The following NISCH variants were observed in gnomAD, a reference collection of about 807,000 sequenced individuals.
NISCH encodes I-1 receptor candidate protein.
In NISCH, 55 loss-of-function variants were observed where a neutral mutation model predicts 138.4. That is an observed-to-expected ratio of 0.40 (90% CI 0.32 to 0.50). The LOEUF (loss-of-function observed/expected upper bound fraction) is 0.50, where lower values mean the gene tolerates loss of function less well. Ranked by LOEUF, NISCH falls within the 20% of genes least tolerant of loss-of-function variation. NISCH has a pLI of 0.71. For synonymous variants in NISCH, 860 were observed against 861.5 expected (o/e 1.00, Z 0.03); for missense variants, 1,643 against 2,005.5 (o/e 0.82, Z 3.45).
Position 52,477,493 on chromosome 3 carries a change from G to A in NISCH, c.919-81G>A, listed in dbSNP as rs1038159917. ...TCCATGGTCGGGAGGAAGCGTCCTGGGGTGCCCGTCCACTGTGTCGGGGAC... is the reference window on the plus strand; with the variant it reads ...TCCATGGTCGGGAGGAAGCGTCCTGAGGTGCCCGTCCACTGTGTCGGGGAC... On this transcript the variant is annotated intron_variant, in intron 8 of 20. Transcript: ENST00000345716. 27 of 1,181,990 alleles carry A rather than the reference G, an allele frequency of 2.3e-5. No homozygotes were observed. The Admixed American group carries it at 4.3e-4, about 19-fold the overall frequency. The allele number at this position is 1,181,990 out of a possible 1,614,324, so 73.2% of individuals were successfully genotyped here.
At position 52,491,317 on chromosome 3, in the gene NISCH, C is replaced by T. The variant is rs545453144; in HGVS notation, c.3743-35C>T. ...GGGCAGGGATAGGGCTGGGGAGCGC[C>T]GGCCTGTGGCCCTGACCAGCCCCTT... On this transcript the variant is annotated intron_variant, in intron 19 of 20. Coordinates refer to ENST00000345716, the MANE Select transcript of NISCH (RefSeq NM_007184.4). The T allele has an allele frequency of 3.2e-5, 51 of 1,587,910 alleles. 1 individual carries two copies. In the South Asian group the frequency reaches 4.2e-4, roughly 13 times the overall value.
rs770065257 is a variant in NISCH, at chr3:52,487,732, G to C, written c.2240G>C (p.Arg747Pro). ...TTCGAGATCCCGCACCAGGAGTCTC[G>C]GGGCAGCAGCCAGCACATCCTCTCC... ...AVFEIPHQES[R>P]GSSQHILSSL... The change falls in exon 16 of 21, where the codon CGG (arginine) becomes CCG (proline). Residue 747 changes from arginine (R) to proline (P), a missense_variant. Transcript: ENST00000345716. This position sits in a 1 kb window ranked among gnomAD's most constrained non-coding sequence, Gnocchi z 9.1. 4.3e-6 allele frequency: 7 copies of C among 1,613,558 alleles called. No individual in the cohort carries two copies. The highest frequency in any genetic ancestry group is 5.9e-6 in the Non-Finnish European group (7 of 1,180,018).
intron 1 of NISCH, among the ~76,000 whole-genome samples, chr3:52,456,774 T>C (rs1457295214): frequency 1.3e-5 from 2 of 152,134 alleles, no homozygotes; most frequent in Non-Finnish European, 2.9e-5. Context: ...CCTGGAGAAA[T>C]GGCTGCTCCT....
At position 52,473,832 on chromosome 3, in the gene NISCH, A is replaced by G. The variant is rs759112565; in HGVS notation, c.765+3A>G. 3.1e-6 allele frequency: 5 copies of G among 1,600,940 alleles called. No homozygotes were observed. The highest frequency in any genetic ancestry group is 4.3e-6 in the Non-Finnish European group (5 of 1,170,070). ...GCTTCTCAGCAACCTCGATGAAGGT[A>G]AGCTTCACCTATATCCTGCCTGGGG... On this transcript the variant is annotated splice_donor_region_variant and intron_variant, in intron 7 of 20. Coordinates refer to ENST00000345716, the MANE Select transcript of NISCH (RefSeq NM_007184.4).
In NISCH at chr3:52,488,611, A is replaced by G. The variant is rs556053537; in HGVS notation, c.3113+6A>G. The G allele has an allele frequency of 1.1e-5, 18 of 1,601,636 alleles. No homozygotes were observed. In the African/African-American group the frequency reaches 2.4e-4, roughly 21 times the overall value. On this transcript the variant is annotated splice_donor_region_variant and intron_variant, in intron 16 of 20. Coordinates refer to ENST00000345716, the MANE Select transcript of NISCH (RefSeq NM_007184.4). ...CCTGCCGAGCGCAGGGCCAGGTGAG[A>G]TCAAGCACAGCTCTCAGGGGCCCCG...
intron 13 of NISCH, chr3:52,481,004 C>T: frequency 7.1e-7 from 1 of 1,411,776 alleles, no homozygotes; most frequent in Admixed American, 2.8e-5. Context: ...GGAAAGGACG[C>T]CGCCTGCCCG....
Position 52,487,224 on chromosome 3 carries a change from G to T in NISCH, c.1732G>T (p.Val578Leu), listed in dbSNP as rs771450393. ...AGAACATGCCGAGCCGGAGGTCCAGGTGGTGCCGGGGTCTGGCCAGATCAT... is the reference window on the plus strand; with the variant it reads ...AGAACATGCCGAGCCGGAGGTCCAGTTGGTGCCGGGGTCTGGCCAGATCAT... ...SPEHAEPEVQ[V>L]VPGSGQIIFL... Residue 578 changes from valine to leucine, a missense_variant, in exon 16 of 21, where the codon GTG (valine) becomes TTG (leucine). Physicochemically the swap from Val to Leu is conservative, Grantham distance 32. Transcript: ENST00000345716. This position sits in a 1 kb window ranked among gnomAD's most constrained non-coding sequence, Gnocchi z 9.1. 28 of 1,614,104 alleles carry T rather than the reference G, an allele frequency of 1.7e-5. No homozygotes were observed. The highest frequency in any genetic ancestry group is 7.7e-5 in the South Asian group (7 of 91,082).
At chr3:52,471,446 T>C in intron 4 of NISCH, 1 of 346,498 alleles carries the variant, frequency 2.9e-6, no homozygotes, top group Non-Finnish European at 5.4e-6. Context: ...ACCATAGGCC[T>C]GCGCCTGACC....
In NISCH at chr3:52,488,355, C is replaced by T. The variant is rs2153231779; in HGVS notation, c.2863C>T (p.Pro955Ser). ...RVPLSTVLLD[P>S]TRSCTQPRGA... is the part of the protein sequence containing the mutation. ...GCCGCTCTCCACCGTGCTGCTGGAC[C>T]CCACACGCAGCTGTACCCAGCCTCG... is the stretch of plus-strand genomic sequence containing the variant. The change falls in exon 16 of 21, where the codon CCC becomes TCC. Residue 955 changes from proline (P) to serine (S), a missense_variant. Pro to Ser is a moderately conservative substitution (Grantham distance 74, BLOSUM62 -1). Coordinates refer to ENST00000345716, the MANE Select transcript of NISCH (RefSeq NM_007184.4). 6.2e-7 allele frequency: 1 copy of T among 1,613,672 alleles called. No homozygotes were observed. Among genetic ancestry groups the T allele is most frequent in the Non-Finnish European group, 8.5e-7 (1 of 1,180,012 alleles).
rs146890321 is a variant in NISCH, at chr3:52,470,878, C to T, written c.380C>T (p.Ala127Val). ...CTGCAGGAGATAAATGGCATCACCGCGGCACTGGCTGAAGAGCTCTTTGAG... is the reference window on the plus strand; with the variant it reads ...CTGCAGGAGATAAATGGCATCACCGTGGCACTGGCTGAAGAGCTCTTTGAG... ...FHFYEINGIT[A>V]ALAEELFEKG... is the part of the protein sequence containing the mutation. Residue 127 changes from alanine (A) to valine (V), a missense_variant, in exon 4 of 21, where the codon GCG (alanine) becomes GTG (valine). By Grantham distance (64) the Ala-to-Val change is moderately conservative (BLOSUM62 0). Coordinates refer to ENST00000345716, the MANE Select transcript of NISCH (RefSeq NM_007184.4). 55 of 1,614,042 alleles carry T rather than the reference C, an allele frequency of 3.4e-5. No homozygotes were observed. Among genetic ancestry groups the T allele is most frequent in the African/African-American group, 1.9e-4 (14 of 74,976 alleles).
At chr3:52,491,111 C>T (rs1042565335) in intron 19 of NISCH, among the ~76,000 whole-genome samples, 1 of 152,254 alleles carries the variant, frequency 6.6e-6, no homozygotes, top group African/African-American at 2.4e-5. Context: ...ACTCACATTT[C>T]CTGAGGAGAG....
intron 19 of NISCH, 150 bp from the exon 20 acceptor site, chr3:52,491,202 C>A: frequency 7.9e-7 from 1 of 1,259,012 alleles, no homozygotes; most frequent in East Asian, 2.7e-5. Flanking sequence ...GGAATGGCCT[C>A]CTCCCGGGCC....
At chr3:52,490,326 G>A in intron 18 of NISCH, 95 bp downstream of exon 18, 4 of 1,393,462 alleles carry the variant, frequency 2.9e-6, no homozygotes, top group Non-Finnish European at 3.0e-6. Context: ...GTGGCTTCAG[G>A]CAGCAGTCAG....
intron 4 of NISCH, 131 bp downstream of exon 4, chr3:52,471,038 A>G: frequency 1.2e-6 from 1 of 857,894 alleles, no homozygotes; most frequent in Non-Finnish European, 2.0e-6. Flanking sequence ...AGGTCTGAGG[A>G]GCTGTGGTCC....
chr3:52,484,537 C>A lies in NISCH; in HGVS notation c.1553C>A (p.Ala518Asp). ...NQGIMFVQEE[A>D]LASSLSSTDS... ...GGAATCATGTTCGTTCAGGAGGAGG[C>A]CCTGGCCAGCAGCCTCTCGTCCACT... Residue 518 changes from alanine (A) to aspartate (D), a missense_variant, in exon 14 of 21, where the codon GCC becomes GAC. Physicochemically the swap from Ala to Asp is moderately radical, Grantham distance 126. Transcript: ENST00000345716. The A allele has an allele frequency of 6.9e-7, 1 of 1,446,322 alleles. No individual in the cohort carries two copies. The allele number at this position is 1,446,322 out of a possible 1,614,324, so 89.6% of individuals were successfully genotyped here.
chr3:52,481,712 CCATGTCCCCAGGCTGCAGCTGCAGG>C, intron 13 of NISCH: 2 of 985,520 alleles, frequency 2.0e-6, no homozygotes, highest in Non-Finnish European at 2.4e-6. Context: ...TGGGGATGCA[CCATGTCCCCAGGCTGCAGCTGCAGG>C]CAGCCCCCCA....
intron 18 of NISCH, 24 bp downstream of exon 18, chr3:52,490,255 T>C (rs2153231874): frequency 9.3e-6 from 15 of 1,609,074 alleles, no homozygotes; most frequent in Non-Finnish European, 1.3e-5. Flanking sequence ...CTGCTGGGGC[T>C]CAGGAGCTTG....
In NISCH at chr3:52,486,491, C is replaced by T. The variant is rs1483583998; in HGVS notation, c.1703+664C>T. The T allele has an allele frequency of 2.6e-5, 4 of 152,476 alleles. No individual in the cohort carries two copies. In the East Asian group the frequency reaches 7.7e-4, roughly 29 times the overall value. The allele number at this position is 152,476 out of a possible 1,614,324, so 9.4% of individuals were successfully genotyped here. A position where few individuals can be genotyped will look rare whatever the true frequency, so the allele number is the denominator to read the frequency against. On this transcript the variant is annotated intron_variant, in intron 15 of 20. Coordinates refer to ENST00000345716, the MANE Select transcript of NISCH (RefSeq NM_007184.4). ...CCAGGCTGGAGTGCAGTGGCCCGAT[C>T]TCAGCTCGCTGCAACCTCCGCCTCC...
intron 9 of NISCH, 123 bp from the exon 10 acceptor site, chr3:52,477,974 T>C: frequency 2.0e-6 from 2 of 992,798 alleles, no homozygotes; most frequent in Non-Finnish European, 3.1e-6. Flanking sequence ...CTAAAATAAC[T>C]GTCAGAGTGA....
Sources: gnomAD v4.1 joint callset for allele counts (sites outside exome capture counted in the v4.1 genomes callset) on GRCh38, gnomAD v4.1.1 for gene constraint, Gnocchi (gnomAD v3.1) non-coding constraint, MANE v1.5 for transcripts, NCBI Gene and HGNC (gene_info 2026-07-23, HGNC 2026-07-21) for gene names.